The following ETV6 variants were observed in gnomAD, a reference collection of about 807,000 sequenced individuals.
The protein encoded by ETV6 is transcription factor ETV6.
A neutral mutation model predicts 51.1 loss-of-function variants in ETV6; 16 were observed. The ratio of observed to expected loss-of-function variants is 0.31; its 90% CI spans 0.21 to 0.48. The LOEUF is 0.48. Ranked by LOEUF, ETV6 falls within the 20% of genes least tolerant of loss-of-function variation. The pLI is 0.99. For missense variants in ETV6, 458 were observed against 594.8 expected (o/e 0.77, Z 2.39); for synonymous variants, 240 against 224.1 (o/e 1.07, Z -0.64).
intron 2 of ETV6, among the ~76,000 whole-genome samples, chr12:11,803,957 G>A (rs79285393): frequency 0.017 from 2,568 of 152,182 alleles, 62 homozygotes; most frequent in East Asian, 0.098. Context: ...CTTCATCAAA[G>A]TTGTATTAAA....
chr12:11,651,758 A>G (rs934390278), intron 1 of ETV6, among the ~76,000 whole-genome samples: 1 of 152,366 alleles, frequency 6.6e-6, no homozygotes, highest in South Asian at 2.1e-4. Context: ...GATATTCAAT[A>G]AATAAATTGT....
intron 2 of ETV6, among the ~76,000 whole-genome samples, chr12:11,804,114 G>A (rs1298888987): frequency 6.6e-6 from 1 of 152,062 alleles, no homozygotes; most frequent in Admixed American, 6.6e-5. Context: ...TTTTTATCAG[G>A]TGTTTACTGC....
chr12:11,727,010 C>T (rs1398017585), intron 1 of ETV6, among the ~76,000 whole-genome samples: 1 of 152,174 alleles, frequency 6.6e-6, no homozygotes, highest in Non-Finnish European at 1.5e-5. Context: ...TGGGAAATAT[C>T]ATTGCCAGGA....
At chr12:11,777,103 G>T (rs1945337931) in intron 2 of ETV6, among the ~76,000 whole-genome samples, 1 of 152,014 alleles carries the variant, frequency 6.6e-6, no homozygotes, top group African/African-American at 2.4e-5. Flanking sequence ...AGCCAGGCGT[G>T]GTGGCAGGTG....
chr12:11,878,857 C>G (rs1947039876), intron 5 of ETV6, among the ~76,000 whole-genome samples: 1 of 148,702 alleles, frequency 6.7e-6, no homozygotes, highest in Admixed American at 6.8e-5. Context: ...CAGCAGATGG[C>G]CCCCTGAATG....
At chr12:11,888,519 C>T (rs567516139) in intron 7 of ETV6, among the ~76,000 whole-genome samples, 30 of 151,660 alleles carry the variant, frequency 2.0e-4, no homozygotes, top group African/African-American at 6.8e-4. Flanking sequence ...ATTATCATGC[C>T]GTAGCTAATA....
intron 1 of ETV6, among the ~76,000 whole-genome samples, chr12:11,695,977 T>G (rs1864871477): frequency 6.6e-6 from 1 of 152,136 alleles, no homozygotes; most frequent in South Asian, 2.1e-4. Context: ...TCCTTCATTT[T>G]AGAGATGAGG....
In ETV6 at chr12:11,859,118, G is replaced by GCTTTTTTTTTTTTTTTTTTTTTTTT. The variant is rs1565555150; in HGVS notation, c.463+5557_463+5558insCTTTTTTTTTTTTTTTTTTTTTTTT. Among the ~76,000 whole-genome samples the GCTTTTTTTTTTTTTTTTTTTTTTTT allele has an allele frequency of 3.6e-4, 15 of 41,800 alleles. 7 individuals are homozygous for GCTTTTTTTTTTTTTTTTTTTTTTTT. The highest frequency in any genetic ancestry group is 9.0e-4 in the African/African-American group (13 of 14,398). The allele number at this position is 41,800 out of a possible 152,430, so 27.4% of individuals were successfully genotyped here. A position where few individuals can be genotyped will look rare whatever the true frequency, so the allele number is the denominator to read the frequency against. On this transcript the variant is annotated intron_variant, in intron 4 of 7. Coordinates refer to ENST00000396373, the MANE Select transcript of ETV6 (RefSeq NM_001987.5). The stretch of plus-strand genomic sequence containing the variant: ...TAAAGAAGATGAGGTATATGAATCT[G>GCTTTTTTTTTTTTTTTTTTTTTTTT]GTTTTTTTTTTTTTTTTTTTTTTTT...
At chr12:11,778,416 G>A (rs552258743) in intron 2 of ETV6, among the ~76,000 whole-genome samples, 1 of 152,336 alleles carries the variant, frequency 6.6e-6, no homozygotes, top group East Asian at 1.9e-4. Context: ...ATGAGGCCTG[G>A]CTGGTGCTCA....
rs7138833 is a variant in ETV6 at position 11,842,588 on chromosome 12, A to G, written c.328+3284A>G. Among the ~76,000 whole-genome samples, 245 of 152,316 alleles carry G rather than the reference A, an allele frequency of 1.6e-3. 2 individuals carry two copies. The highest frequency in any genetic ancestry group is 5.5e-3 in the African/African-American group (230 of 41,568). The stretch of plus-strand genomic sequence containing the variant: ...ATGGCTTCCAGGTGGCACTCAACAA[A>G]TGTAGGTTGAATGATGACCCGGTTT... On this transcript the variant is annotated intron_variant, in intron 3 of 7. Coordinates refer to ENST00000396373, the MANE Select transcript of ETV6 (RefSeq NM_001987.5).
chr12:11,650,504 A>AATAAAAAAC (rs59518105), intron 1 of ETV6, among the ~76,000 whole-genome samples: 2 of 94,234 alleles, frequency 2.1e-5, no homozygotes, highest in Non-Finnish European at 3.9e-5. Flanking sequence ...AACAAAAAAC[A>AATAAAAAAC]AAAAAAAAAA....
At chr12:11,711,052 C>A (rs1288841576) in intron 1 of ETV6, among the ~76,000 whole-genome samples, 1 of 152,176 alleles carries the variant, frequency 6.6e-6, no homozygotes, top group Non-Finnish European at 1.5e-5. Flanking sequence ...CCTCACAGGA[C>A]CACAGCAAAT....
chr12:11,752,430 C>T lies in ETV6; in HGVS notation c.34-20C>T. ...ATTGTCTCTCTCCCCCTCCCCTCTT[C>T]CTGCCCTTATTTTTAACAGCAGGAA... On this transcript the variant is annotated intron_variant, in intron 1 of 7. Coordinates refer to ENST00000396373, the MANE Select transcript of ETV6 (RefSeq NM_001987.5). 1 of 1,604,574 alleles carries T rather than the reference C, an allele frequency of 6.2e-7. No individual in the cohort carries two copies. Among genetic ancestry groups the T allele is most frequent in the South Asian group, 1.1e-5 (1 of 90,562 alleles).
At chr12:11,760,876 ATATG>A (rs759568653) in intron 2 of ETV6, among the ~76,000 whole-genome samples, 9 of 71,856 alleles carry the variant, frequency 1.3e-4, no homozygotes, top group East Asian at 5.9e-4. Context: ...ATTATTATAT[ATATG>A]TGTGTGTGTG....
intron 1 of ETV6, among the ~76,000 whole-genome samples, chr12:11,695,612 T>C (rs1864861981): frequency 6.6e-6 from 1 of 152,228 alleles, no homozygotes; most frequent in Non-Finnish European, 1.5e-5. Flanking sequence ...TCAACCGGGT[T>C]TCATCTGTTA....
chr12:11,706,833 A>C (rs1865081598), intron 1 of ETV6, among the ~76,000 whole-genome samples: 4 of 152,226 alleles, frequency 2.6e-5, no homozygotes, highest in Admixed American at 2.0e-4. Flanking sequence ...AATCGAGGTG[A>C]AATCTTTACT....
intron 1 of ETV6, among the ~76,000 whole-genome samples, chr12:11,752,232 C>T (rs554067023): frequency 9.9e-5 from 15 of 152,222 alleles, no homozygotes; most frequent in African/African-American, 1.7e-4. Flanking sequence ...CTGTTTTCAA[C>T]GATGGCAGAG....
At chr12:11,660,672 G>T (rs1322021902) in intron 1 of ETV6, among the ~76,000 whole-genome samples, 1 of 149,534 alleles carries the variant, frequency 6.7e-6, no homozygotes, top group Non-Finnish European at 1.5e-5. Flanking sequence ...CTGCTTTAAA[G>T]AACTCAGACT....
intron 7 of ETV6, among the ~76,000 whole-genome samples, chr12:11,890,580 A>G (rs1261102909): frequency 1.4e-5 from 2 of 145,446 alleles, no homozygotes; most frequent in Non-Finnish European, 3.0e-5. Context: ...GGTGCACACC[A>G]CCGTACCCAG....
Sources: allele counts gnomAD v4.1 joint callset (sites outside exome capture counted in the v4.1 genomes callset), GRCh38; gene constraint gnomAD v4.1.1; transcripts MANE v1.5; gene names NCBI Gene and HGNC (gene_info 2026-07-23, HGNC 2026-07-21).